PCLO: variants seen among roughly 807,000 people sequenced by gnomAD.
PCLO encodes piccolo presynaptic cytomatrix protein, also known as protein piccolo.
Under a neutral mutation model 427.5 loss-of-function variants are expected in PCLO, and 82 were observed. The ratio of observed to expected loss-of-function variants is 0.19; its 90% CI spans 0.16 to 0.23. PCLO has a LOEUF of 0.23. Ranked by LOEUF, PCLO falls within the 10% of genes least tolerant of loss-of-function variation. The pLI, the probability that PCLO is intolerant of heterozygous loss-of-function variation, is 1.00. For missense variants in PCLO, 6,239 were observed against 6,115.9 expected (o/e 1.02, Z -0.67); for synonymous variants, 2,357 against 2,155.4 (o/e 1.09, Z -2.59).
chr7:82,913,162 T>C (rs1486893721), intron 7 of PCLO, among the ~76,000 whole-genome samples: 1 of 151,968 alleles, frequency 6.6e-6, no homozygotes, highest in Non-Finnish European at 1.5e-5. Context: ...TAACTAATTG[T>C]CAATAAAAAT....
intron 2 of PCLO, among the ~76,000 whole-genome samples, chr7:83,152,838 T>A (rs575597490): frequency 6.6e-6 from 1 of 152,346 alleles, no homozygotes; most frequent in South Asian, 2.1e-4. Flanking sequence ...TTCTTGTGCA[T>A]GTATTATCTC....
chr7:83,143,264 TC>T (rs2116644521), intron 2 of PCLO, among the ~76,000 whole-genome samples: 1 of 152,272 alleles, frequency 6.6e-6, no homozygotes, highest in South Asian at 2.1e-4. Context: ...AGGCAGTTAC[TC>T]CCCAACAGCA....
intron 3 of PCLO, among the ~76,000 whole-genome samples, chr7:83,092,791 T>C (rs1348029925): frequency 2.0e-5 from 3 of 151,478 alleles, no homozygotes; most frequent in African/African-American, 7.3e-5. Flanking sequence ...CTGCTGAAAA[T>C]ACAAAGTTGG....
At chr7:82,931,851 C>T (rs961819226) in intron 6 of PCLO, among the ~76,000 whole-genome samples, 1 of 152,014 alleles carries the variant, frequency 6.6e-6, no homozygotes, top group African/African-American at 2.4e-5. Flanking sequence ...GGGGACTCCA[C>T]AAGGGCATAA....
At chr7:82,843,717 G>A (rs1584037677) in intron 13 of PCLO, among the ~76,000 whole-genome samples, 1 of 148,260 alleles carries the variant, frequency 6.7e-6, no homozygotes, top group Non-Finnish European at 1.5e-5. Context: ...TCCGGCTAGA[G>A]TGCAGTGGTG....
intron 3 of PCLO, among the ~76,000 whole-genome samples, chr7:83,024,849 G>C (rs921371473): frequency 6.6e-6 from 1 of 152,064 alleles, no homozygotes; most frequent in Non-Finnish European, 1.5e-5. Flanking sequence ...GGGGTACACT[G>C]ACACCTCACA....
intron 2 of PCLO, among the ~76,000 whole-genome samples, chr7:83,147,525 G>A (rs1037771541): frequency 2.6e-5 from 4 of 152,102 alleles, no homozygotes; most frequent in African/African-American, 9.7e-5. Flanking sequence ...GCTGTGACAA[G>A]CAAAGAATGA....
intron 3 of PCLO, chr7:83,017,792 T>G (rs1479187542): frequency 1.3e-5 from 2 of 152,006 alleles, no homozygotes; most frequent in East Asian, 3.9e-4. Flanking sequence ...TTATACAACA[T>G]ATAAAGACTT....
At chr7:82,900,255 G>A (rs934993509) in intron 9 of PCLO, among the ~76,000 whole-genome samples, 9 of 151,522 alleles carry the variant, frequency 5.9e-5, no homozygotes, top group Non-Finnish European at 1.0e-4. Context: ...CCTGTTCCAC[G>A]TCCACATGTT....
In PCLO at chr7:82,949,518, G is replaced by A. The variant is rs200715895; in HGVS notation, c.11070C>T (p.Asp3690=). ...SDPKPLSPTA[D]ESSRAPFQYT... Reference sequence around the variant, plus strand: ...ACTGAAAAGGAGCCCTGGAACTTTCGTCTGCTGTTGGACTCAGAGGCTTGG... The same window carrying A: ...ACTGAAAAGGAGCCCTGGAACTTTCATCTGCTGTTGGACTCAGAGGCTTGG... The change falls in exon 6 of 25, where the codon GAC becomes GAT. Residue 3690 remains aspartate (D), a synonymous_variant. Coordinates refer to ENST00000333891, the MANE Select transcript of PCLO (RefSeq NM_033026.6). The A allele has an allele frequency of 1.9e-5, 30 of 1,611,526 alleles. No individual in the cohort carries two copies. Among genetic ancestry groups the A allele is most frequent in the East Asian group, 1.8e-4 (8 of 44,852 alleles).
chr7:82,758,601 A>G lies in PCLO; in HGVS notation c.15403T>C (p.Leu5135=). The change falls in exon 25 of 25, where the codon TTG becomes CTG. Residue 5135 remains leucine (L), a synonymous_variant. Coordinates refer to ENST00000333891, the MANE Select transcript of PCLO (RefSeq NM_033026.6). ...RKRIVNWHKL[L]VSPTQTH ...CAATGCGTTTGAGTAGGACTGACCA[A>G]AAGTTTGTGCCAGTTGACTATTCTT... 1.9e-6 allele frequency: 3 copies of G among 1,611,822 alleles called. No individual in the cohort carries two copies. The highest frequency in any genetic ancestry group is 2.5e-6 in the Non-Finnish European group (3 of 1,178,496).
At chr7:82,893,950 T>C (rs917328796) in intron 9 of PCLO, among the ~76,000 whole-genome samples, 1 of 151,978 alleles carries the variant, frequency 6.6e-6, no homozygotes, top group East Asian at 1.9e-4. Context: ...TTTATAAGAA[T>C]CTTATGCCAA....
At chr7:82,840,352 G>C (rs1293037296) in intron 14 of PCLO, among the ~76,000 whole-genome samples, 1 of 151,986 alleles carries the variant, frequency 6.6e-6, no homozygotes, top group African/African-American at 2.4e-5. Context: ...CTTTGTAGTA[G>C]GTTCCTGGAT....
chr7:82,932,683 T>C (rs1794867131), intron 6 of PCLO, among the ~76,000 whole-genome samples: 1 of 152,072 alleles, frequency 6.6e-6, no homozygotes, highest in South Asian at 2.1e-4. Flanking sequence ...TTGAAGTCAT[T>C]CAGGATCTGG....
intron 1 of PCLO, among the ~76,000 whole-genome samples, chr7:83,160,588 C>T (rs1480571538): frequency 6.6e-6 from 1 of 151,952 alleles, no homozygotes; most frequent in Non-Finnish European, 1.5e-5. Context: ...TTCACCAATA[C>T]TGTTTGGGCC....
chr7:82,806,802 G>C (rs1179655745), intron 20 of PCLO, among the ~76,000 whole-genome samples: 1 of 152,182 alleles, frequency 6.6e-6, no homozygotes, highest in East Asian at 1.9e-4. Context: ...GTGATTATGA[G>C]GAGTGAGATA....
At chr7:83,010,211 T>C (rs1788045198) in intron 3 of PCLO, among the ~76,000 whole-genome samples, 1 of 151,958 alleles carries the variant, frequency 6.6e-6, no homozygotes, top group Non-Finnish European at 1.5e-5. Flanking sequence ...AAGCAGCACA[T>C]CCTTCTCAAT....
rs773286863 is a variant in PCLO at position 82,954,460 on chromosome 7, T to A, written c.6493A>T (p.Thr2165Ser). ...GCACTTTCTGAAGGCTCCGAGTAGGTCAAAATCAGCGATTCATGGGCAATT... is the reference window on the plus strand; with the variant it reads ...GCACTTTCTGAAGGCTCCGAGTAGGACAAAATCAGCGATTCATGGGCAATT... ...EIIAHESLIL[T>S]YSEPSESATS... Residue 2165 changes from threonine (T) to serine (S), a missense_variant, in exon 5 of 25, where the codon ACC becomes TCC. Physicochemically the swap from Thr to Ser is moderately conservative, Grantham distance 58 (BLOSUM62 1). Around this residue, in one of 5 missense-constraint regions of PCLO, gnomAD observed 4,677 missense variants for 4,468.4 expected, o/e 1.05. Transcript: ENST00000333891. The A allele has an allele frequency of 1.9e-6, 3 of 1,613,844 alleles. No individual in the cohort carries two copies. In the East Asian group the frequency reaches 6.7e-5, roughly 36 times the overall value.
intron 2 of PCLO, among the ~76,000 whole-genome samples, chr7:83,141,664 C>G (rs1487125982): frequency 6.6e-6 from 1 of 152,176 alleles, no homozygotes; most frequent in African/African-American, 2.4e-5. Flanking sequence ...TTTTGTTAAG[C>G]CTTTGTTATG....
Sources: gnomAD v4.1 joint callset for allele counts (sites outside exome capture counted in the v4.1 genomes callset) on GRCh38, gnomAD v4.1.1 for gene constraint, gnomAD v4.1.1 regional missense constraint, MANE v1.5 for transcripts, NCBI Gene and HGNC (gene_info 2026-07-23, HGNC 2026-07-21) for gene names.